Variants in SPOCK3 observed in about 807,000 individuals in gnomAD.
SPOCK3 encodes the protein testican-3.
Under a neutral mutation model 56.6 loss-of-function variants are expected in SPOCK3, and 30 were observed. That is an observed-to-expected ratio of 0.53 (90% CI 0.40 to 0.72). The LOEUF is 0.72. Among genes scored for constraint, SPOCK3 ranks in the 30% least tolerant of loss-of-function variants. The pLI is 0.00. For synonymous variants in SPOCK3, 196 were observed against 183.3 expected, an observed-to-expected ratio of 1.07 and a Z score of -0.56; for missense variants, 527 against 530.0, an observed-to-expected ratio of 0.99 and a Z score of 0.06.
At chr4:167,206,494 TTA>T (rs972875347) in intron 2 of SPOCK3, among the ~76,000 whole-genome samples, 1 of 119,586 alleles carries the variant, frequency 8.4e-6, no homozygotes, top group African/African-American at 3.3e-5. Flanking sequence ...AAGAATTACA[TTA>T]AAAAATAAAA....
chr4:167,179,567 TTTA>T (rs1402390630), intron 2 of SPOCK3, among the ~76,000 whole-genome samples: 1 of 152,188 alleles, frequency 6.6e-6, no homozygotes, highest in African/African-American at 2.4e-5. Flanking sequence ...CTTTATCTAA[TTTA>T]TTATGTATGG....
chr4:167,056,427 C>T (rs1184040995), intron 3 of SPOCK3, among the ~76,000 whole-genome samples: 1 of 152,192 alleles, frequency 6.6e-6, no homozygotes, highest in African/African-American at 2.4e-5. Context: ...TGGAACAAAG[C>T]TGGATGGAGA....
intron 3 of SPOCK3, among the ~76,000 whole-genome samples, chr4:167,017,564 C>T (rs1181969203): frequency 6.6e-6 from 1 of 152,086 alleles, no homozygotes; most frequent in East Asian, 1.9e-4. Flanking sequence ...GCCCACCTTA[C>T]ACCCAGACTG....
chr4:167,213,769 T>C (rs1357202556), intron 2 of SPOCK3, among the ~76,000 whole-genome samples: 2 of 152,128 alleles, frequency 1.3e-5, no homozygotes. Context: ...TCCTAAAAGA[T>C]GACATATGGT....
At chr4:166,833,577 T>C (rs2126802941) in intron 6 of SPOCK3, among the ~76,000 whole-genome samples, 1 of 152,332 alleles carries the variant, frequency 6.6e-6, no homozygotes, top group East Asian at 1.9e-4. Flanking sequence ...GTAATATTAA[T>C]ATGGTTGGAT....
At chr4:166,745,364 C>T (rs1735462729) in intron 8 of SPOCK3, among the ~76,000 whole-genome samples, 1 of 152,154 alleles carries the variant, frequency 6.6e-6, no homozygotes, top group African/African-American at 2.4e-5. Context: ...ATTTTCAACC[C>T]AGTATTTCAT....
chr4:166,963,408 A>G (rs1744365311), intron 4 of SPOCK3, among the ~76,000 whole-genome samples: 1 of 151,998 alleles, frequency 6.6e-6, no homozygotes, highest in African/African-American at 2.4e-5. Context: ...CGTACTCTTT[A>G]TAAGAAGGTA....
intron 2 of SPOCK3, among the ~76,000 whole-genome samples, chr4:167,230,042 G>T (rs1736999309): frequency 6.6e-6 from 1 of 151,962 alleles, no homozygotes; most frequent in South Asian, 2.1e-4. Flanking sequence ...TTAAAAATTA[G>T]CATGGCCATC....
At chr4:167,062,892 T>C (rs775171189) in intron 2 of SPOCK3, among the ~76,000 whole-genome samples, 5 of 151,890 alleles carry the variant, frequency 3.3e-5, no homozygotes, top group Non-Finnish European at 5.9e-5. Flanking sequence ...TAATATAACA[T>C]GCAGATAATT....
intron 2 of SPOCK3, among the ~76,000 whole-genome samples, chr4:167,187,138 A>G (rs981617338): frequency 2.6e-5 from 4 of 152,102 alleles, no homozygotes; most frequent in Admixed American, 6.5e-5. Flanking sequence ...AGCATCAGAC[A>G]TGTACCATCT....
chr4:166,883,658 A>G (rs1047014721), intron 6 of SPOCK3, among the ~76,000 whole-genome samples: 10 of 152,180 alleles, frequency 6.6e-5, no homozygotes, highest in Admixed American at 1.3e-4. Flanking sequence ...TGCTGGACCC[A>G]TTGTACTTAG....
intron 2 of SPOCK3, among the ~76,000 whole-genome samples, chr4:167,229,881 T>C (rs1398872379): frequency 1.3e-5 from 2 of 152,150 alleles, no homozygotes; most frequent in Non-Finnish European, 2.9e-5. Context: ...AAGTTGATTA[T>C]GGTTTCTATA....
chr4:166,874,198 T>C (rs1732826918), intron 6 of SPOCK3, among the ~76,000 whole-genome samples: 1 of 152,106 alleles, frequency 6.6e-6, no homozygotes. Context: ...TTGGCGTTCC[T>C]CAGCTAATAC....
At chr4:167,180,551 C>A (rs1449669024) in intron 2 of SPOCK3, among the ~76,000 whole-genome samples, 1 of 152,110 alleles carries the variant, frequency 6.6e-6, no homozygotes, top group Non-Finnish European at 1.5e-5. Flanking sequence ...TTCTAATAAG[C>A]AAGAAATACT....
At chr4:166,853,970 A>G (rs1298575553) in intron 6 of SPOCK3, among the ~76,000 whole-genome samples, 2 of 152,192 alleles carry the variant, frequency 1.3e-5, no homozygotes, top group African/African-American at 4.8e-5. Context: ...ACCATTTTCT[A>G]CAAAATGTAA....
chr4:166,822,107 T>C (rs1435308547), intron 6 of SPOCK3, among the ~76,000 whole-genome samples: 2 of 151,328 alleles, frequency 1.3e-5, no homozygotes, highest in Non-Finnish European at 2.9e-5. Context: ...AATATTGAGG[T>C]TTGATTTTGA....
rs185357263 is a variant in SPOCK3 at position 166,959,058 on chromosome 4, C to T, written c.350+41291G>A. ...TTATTTATAAAGGGTGACAAGCATC[C>T]AATTGATGCTATAAGCATAGCATTA... is the stretch of plus-strand genomic sequence containing the variant. On this transcript the variant is annotated intron_variant, in intron 4 of 10. Coordinates refer to ENST00000357545, the MANE Select transcript of SPOCK3 (RefSeq NM_001040159.2). 1.3e-3 allele frequency among the ~76,000 whole-genome samples: 201 copies of T among 152,130 alleles called. 2 individuals are homozygous for T. In the Middle Eastern group the frequency reaches 0.014, roughly 10 times the overall value.
chr4:166,795,970 A>C (rs980282270), intron 6 of SPOCK3, among the ~76,000 whole-genome samples: 1 of 152,170 alleles, frequency 6.6e-6, no homozygotes, highest in African/African-American at 2.4e-5. Flanking sequence ...CATGAGGGCA[A>C]AGGCTTCACG....
chr4:166,880,386 C>A (rs1264981526), intron 6 of SPOCK3, among the ~76,000 whole-genome samples: 1 of 152,294 alleles, frequency 6.6e-6, no homozygotes, highest in Non-Finnish European at 1.5e-5. Context: ...CTGACCCATG[C>A]ATGTATAGTC....
Sources: gnomAD v4.1 joint callset for allele counts (sites outside exome capture counted in the v4.1 genomes callset) on GRCh38, gnomAD v4.1.1 for gene constraint, MANE v1.5 for transcripts, NCBI Gene and HGNC (gene_info 2026-07-23, HGNC 2026-07-21) for gene names.